Variants in THAP9 observed in about 807,000 individuals in gnomAD.
THAP9 encodes the protein DNA transposase THAP9.
Under a neutral mutation model 35.7 loss-of-function variants are expected in THAP9, and 20 were observed. The observed-to-expected ratio is 0.56, with a 90% CI of 0.39 to 0.81. The LOEUF is 0.81. THAP9 is among the 40% of genes least tolerant of loss of function. The probability of loss-of-function intolerance (pLI) is 0.00; values close to 1 mark genes in which losing one functional copy is unlikely to be tolerated. For synonymous variants in THAP9, 335 were observed against 373.7 expected, an observed-to-expected ratio of 0.90 and a Z score of 1.19; for missense variants, 870 against 1,047.4, an observed-to-expected ratio of 0.83 and a Z score of 2.34.
chr4:82,915,720 C>T (rs540827776), intron 4 of THAP9, among the ~76,000 whole-genome samples: 1 of 152,014 alleles, frequency 6.6e-6, no homozygotes, highest in Admixed American at 6.6e-5. Context: ...TGCCAGTATA[C>T]CAAAATCCAT....
intron 1 of THAP9, among the ~76,000 whole-genome samples, chr4:82,904,304 C>G (rs1720552819): frequency 6.6e-6 from 1 of 151,870 alleles, no homozygotes; most frequent in South Asian, 2.1e-4. Flanking sequence ...ACTGCTGATC[C>G]TCCCGCCTCA....
intron 1 of THAP9, among the ~76,000 whole-genome samples, chr4:82,904,036 G>A (rs1017191180): frequency 1.3e-5 from 2 of 150,186 alleles, no homozygotes; most frequent in Non-Finnish European, 3.0e-5. Context: ...ACTCACTCAA[G>A]GGGAGGGGAA....
chr4:82,901,732 T>C (rs1200388326), intron 1 of THAP9, among the ~76,000 whole-genome samples: 1 of 151,892 alleles, frequency 6.6e-6, no homozygotes, highest in African/African-American at 2.4e-5. Context: ...TTTTGTTTTC[T>C]ATTTTTTAAA....
rs1193111261 is a variant in THAP9, at chr4:82,911,894, CA to C, written c.731+3960del. Among the ~76,000 whole-genome samples the C allele has an allele frequency of 4.6e-5, 7 of 152,314 alleles. No homozygotes were observed. In the East Asian group the frequency reaches 1.2e-3, roughly 25 times the overall value. On this transcript the variant is annotated intron_variant, in intron 4 of 4. Coordinates refer to ENST00000302236, the MANE Select transcript of THAP9 (RefSeq NM_024672.6). ...TGGTCAAAACTGTTGTCTTTCCCTC[CA>C]TAATGATGGAGAAACAATTAGATGG...
At chr4:82,903,854 A>G (rs924893465) in intron 1 of THAP9, among the ~76,000 whole-genome samples, 1 of 152,094 alleles carries the variant, frequency 6.6e-6, no homozygotes, top group Admixed American at 6.5e-5. Flanking sequence ...TTCCTCACCA[A>G]CTAGTTTTCT....
chr4:82,911,989 G>C (rs1419002943), intron 4 of THAP9, among the ~76,000 whole-genome samples: 1 of 152,112 alleles, frequency 6.6e-6, no homozygotes, highest in Non-Finnish European at 1.5e-5. Flanking sequence ...TGGTTAGATA[G>C]GGTGCCTCAT....
intron 3 of THAP9, among the ~76,000 whole-genome samples, chr4:82,907,128 C>G (rs181887353): frequency 1.3e-5 from 2 of 152,090 alleles, no homozygotes; most frequent in Admixed American, 6.5e-5. Context: ...GGAAAGGCTA[C>G]CTAGTCCTCT....
chr4:82,901,073 C>G (rs745399624), intron 1 of THAP9, 191 bp downstream of exon 1: 5 of 745,400 alleles, frequency 6.7e-6, no homozygotes, highest in South Asian at 4.4e-5. Flanking sequence ...TCTTCCCGCC[C>G]AGTGTTTACC....
At position 82,904,809 on chromosome 4, in the gene THAP9, A is replaced by G; in HGVS notation, c.154A>G (p.Ile52Val). The G allele has an allele frequency of 6.2e-7, 1 of 1,614,134 alleles. No homozygotes were observed. The highest frequency in any genetic ancestry group is 8.5e-7 in the Non-Finnish European group (1 of 1,180,016). Reference sequence around the variant, plus strand: ...TCGTGTGGACCCCAGAAGCAAAAAGATTTGGATTCCAGGACCAGGTGCTAT... The same window carrying G: ...TCGTGTGGACCCCAGAAGCAAAAAGGTTTGGATTCCAGGACCAGGTGCTAT... The part of the protein sequence containing the change: ...VNRVDPRSKK[I>V]WIPGPGAILC... Residue 52 changes from isoleucine to valine, a missense_variant, in exon 2 of 5, where the codon ATT (isoleucine) becomes GTT (valine). Coordinates refer to ENST00000302236, the MANE Select transcript of THAP9 (RefSeq NM_024672.6).
intron 3 of THAP9, 53 bp downstream of exon 3, chr4:82,906,680 G>T (rs982309530): frequency 1.4e-6 from 2 of 1,471,800 alleles, no homozygotes; most frequent in Admixed American, 4.7e-5. Flanking sequence ...TTTTTCTGAG[G>T]TACCATTAAG....
rs1721120207 is a variant in THAP9 at position 82,918,392 on chromosome 4, C to T, written c.2180C>T (p.Ser727Leu). 1 of 1,614,040 alleles carries T rather than the reference C, an allele frequency of 6.2e-7. No homozygotes were observed. The highest frequency in any genetic ancestry group is 8.5e-7 in the Non-Finnish European group (1 of 1,180,000). The stretch of plus-strand genomic sequence containing the variant: ...GCTGGTTATGTTGCAAACAAGTTAT[C>T]AGCTCTTTTAACTTGTGAGGACTGC... ...CYAGYVANKL[S>L]ALLTCEDCIT... Residue 727 changes from serine (S) to leucine (L), a missense_variant, in exon 5 of 5, where the codon TCA becomes TTA. Coordinates refer to ENST00000302236, the MANE Select transcript of THAP9 (RefSeq NM_024672.6).
In THAP9 at chr4:82,916,091, C is replaced by G. The variant is rs1721024454; in HGVS notation, c.732-853C>G. On this transcript the variant is annotated intron_variant, in intron 4 of 4. Coordinates refer to ENST00000302236, the MANE Select transcript of THAP9 (RefSeq NM_024672.6). Reference sequence around the variant, plus strand: ...AGCCTTGGTTGCCTTAGAATATAGCCAAAAAATCAGAAATTTAACTTAACA... The same window carrying G: ...AGCCTTGGTTGCCTTAGAATATAGCGAAAAAATCAGAAATTTAACTTAACA... Among the ~76,000 whole-genome samples the G allele has an allele frequency of 2.6e-5, 4 of 152,048 alleles. No homozygotes were observed. The South Asian group carries it at 8.3e-4, about 32-fold the overall frequency.
rs201342687 is a variant in THAP9 at position 82,918,280 on chromosome 4, G to C, written c.2068G>C (p.Glu690Gln). ...VSVTKTVFHE[E>Q]GICQDWSHCS... The stretch of plus-strand genomic sequence containing the variant: ...CGTTACAAAGACTGTCTTTCACGAA[G>C]AGGGTATTTGTCAAGACTGGTCTCA... The change falls in exon 5 of 5, where the codon GAG becomes CAG. Residue 690 changes from glutamate to glutamine, a missense_variant. Transcript: ENST00000302236. The C allele has an allele frequency of 6.2e-7, 1 of 1,614,186 alleles. No individual in the cohort carries two copies. Among genetic ancestry groups the C allele is most frequent in the South Asian group, 1.1e-5 (1 of 91,080 alleles).
At chr4:82,910,167 C>G (rs1298008420) in intron 4 of THAP9, 1 of 151,990 alleles carries the variant, frequency 6.6e-6, no homozygotes, top group South Asian at 2.1e-4. Flanking sequence ...TCTTTTCTCT[C>G]TTCATGTCAT....
At chr4:82,902,186 G>A (rs544126932) in intron 1 of THAP9, among the ~76,000 whole-genome samples, 5 of 132,744 alleles carry the variant, frequency 3.8e-5, no homozygotes, top group African/African-American at 1.4e-4. Context: ...ACAGCTCAGC[G>A]CAGCCTCTAT....
In THAP9 at chr4:82,917,434, C is replaced by T. The variant is rs143151761; in HGVS notation, c.1222C>T (p.Gln408Ter). ...TCAGCATCCTTCATCTTCTAGTCAA[C>T]AGATTGCATACTTCTTTGACTCTTG... The part of the protein sequence containing the change: ...TFQHPSSSSQ[Q>*]IAYFFDSCHL... Residue 408 changes from glutamine (Q) to a stop codon, truncating the protein, a stop_gained, in exon 5 of 5, where the codon CAG (glutamine) becomes TAG (stop). Coordinates refer to ENST00000302236, the MANE Select transcript of THAP9 (RefSeq NM_024672.6). LOFTEE classifies it high-confidence loss of function. 3 of 1,613,940 alleles carry T rather than the reference C, an allele frequency of 1.9e-6. No individual in the cohort carries two copies. In the African/African-American group the frequency reaches 4.0e-5, roughly 22 times the overall value.
chr4:82,906,057 C>T (rs1720634251), intron 2 of THAP9: 1 of 414,796 alleles, frequency 2.4e-6, no homozygotes, highest in African/African-American at 2.0e-5. Flanking sequence ...TCCATGAAGC[C>T]ATCCCAGTTT....
chr4:82,914,026 C>T (rs973635562), intron 4 of THAP9, among the ~76,000 whole-genome samples: 8 of 152,144 alleles, frequency 5.3e-5, no homozygotes, highest in African/African-American at 1.4e-4. Context: ...CATCAGCCAC[C>T]GTGCCCAGCC....
chr4:82,901,559 G>A (rs1217472628), intron 1 of THAP9, among the ~76,000 whole-genome samples: 1 of 152,164 alleles, frequency 6.6e-6, no homozygotes, highest in Non-Finnish European at 1.5e-5. Context: ...GGGGTAGGAA[G>A]AGGGTAGTTA....
Sources: allele counts gnomAD v4.1 joint callset (sites outside exome capture counted in the v4.1 genomes callset), GRCh38; gene constraint gnomAD v4.1.1; transcripts MANE v1.5; gene names NCBI Gene and HGNC (gene_info 2026-07-23, HGNC 2026-07-21).